The following SNPH variants were observed in gnomAD, a reference collection of about 807,000 sequenced individuals.
SNPH encodes the protein syntaphilin.
In SNPH, 10 loss-of-function variants were observed where a neutral mutation model predicts 36.8. That is an observed-to-expected ratio of 0.27 (90% CI 0.17 to 0.46). The LOEUF is 0.46. Among genes scored for constraint, SNPH ranks in the 20% least tolerant of loss-of-function variants. The probability of loss-of-function intolerance (pLI) is 1.00; values close to 1 mark genes in which losing one functional copy is unlikely to be tolerated. For synonymous variants in SNPH, 281 were observed against 312.2 expected (o/e 0.90, Z 1.05); for missense variants, 622 against 744.0 (o/e 0.84, Z 1.91).
chr20:1,272,532 G>A (rs1433392018), intron 2 of SNPH, among the ~76,000 whole-genome samples: 1 of 152,210 alleles, frequency 6.6e-6, no homozygotes, highest in African/African-American at 2.4e-5. Flanking sequence ...CTGCATATTT[G>A]TTTGTGACAT....
At position 1,279,615 on chromosome 20, in the gene SNPH, C is replaced by CTTTTTTTTTT. The variant is rs1259483361; in HGVS notation, c.-493+12857_-493+12858insTTTTTTTTTT. 6.5e-3 allele frequency among the ~76,000 whole-genome samples: 722 copies of CTTTTTTTTTT among 111,568 alleles called. 38 individuals are homozygous for CTTTTTTTTTT. The highest frequency in any genetic ancestry group is 0.021 in the African/African-American group (693 of 32,824). 73.2% of individuals were successfully genotyped at this position (111,568 alleles called of 152,430 possible). On this transcript the variant is annotated intron_variant, in intron 2 of 6. Coordinates refer to ENST00000381867, the MANE Select transcript of SNPH (RefSeq NM_001318234.2). Reference sequence around the variant, plus strand: ...AGACTGGTTTCCTGAGAGACTCCGGCTTCTTTTTTTTTTTTTTTTTTTGAG... The same window carrying CTTTTTTTTTT: ...AGACTGGTTTCCTGAGAGACTCCGGCTTTTTTTTTTTTCTTTTTTTTTTTTTTTTTTTGAG...
In SNPH at chr20:1,297,369, C is replaced by T. The variant is rs977225399; in HGVS notation, c.290+117C>T. On this transcript the variant is annotated intron_variant, in intron 5 of 6. Transcript: ENST00000381867. Reference sequence around the variant, plus strand: ...ACCACCCCTGACGCCAGCATAGCCGCTGGCCGTGTGACCTTGAGCAGATCA... The same window carrying T: ...ACCACCCCTGACGCCAGCATAGCCGTTGGCCGTGTGACCTTGAGCAGATCA... The T allele has an allele frequency of 3.5e-6, 3 of 866,334 alleles. No individual in the cohort carries two copies. In the African/African-American group the frequency reaches 5.1e-5, roughly 15 times the overall value. 53.7% of individuals were successfully genotyped at this position (866,334 alleles called of 1,614,324 possible).
At chr20:1,284,982 T>A (rs936516384) in intron 2 of SNPH, among the ~76,000 whole-genome samples, 2 of 152,194 alleles carry the variant, frequency 1.3e-5, no homozygotes, top group East Asian at 3.9e-4. Context: ...AGGAGAGAGA[T>A]GGTGGCTTGG....
intron 5 of SNPH, among the ~76,000 whole-genome samples, chr20:1,298,291 CT>C (rs1416637810): frequency 6.6e-6 from 1 of 152,206 alleles, no homozygotes; most frequent in Non-Finnish European, 1.5e-5. Flanking sequence ...GTTGTTAGAG[CT>C]TTGATCTGAC....
rs1484660017 is a variant in SNPH, at chr20:1,266,564, C to T, written c.-599-90C>T. 2 of 1,392,162 alleles carry T rather than the reference C, an allele frequency of 1.4e-6. No homozygotes were observed. The allele number at this position is 1,392,162 out of a possible 1,614,324, so 86.2% of individuals were successfully genotyped here. A position where few individuals can be genotyped will look rare whatever the true frequency, so the allele number is the denominator to read the frequency against. Reference sequence around the variant, plus strand: ...CTCCAAGCCTTCTGGCTGCAGCGGCCCAGCTGTCAGCGGCCGGGGGCTCAG... The same window carrying T: ...CTCCAAGCCTTCTGGCTGCAGCGGCTCAGCTGTCAGCGGCCGGGGGCTCAG... On this transcript the variant is annotated intron_variant, in intron 1 of 6. Transcript: ENST00000381867. The surrounding 1 kb of genome is among the most constrained non-coding windows in gnomAD (Gnocchi z 6.0).
intron 2 of SNPH, among the ~76,000 whole-genome samples, chr20:1,279,144 G>C (rs1027215272): frequency 6.6e-6 from 1 of 152,184 alleles, no homozygotes; most frequent in Admixed American, 6.5e-5. Flanking sequence ...CTGCCCAAGT[G>C]TTTCCAAAGC....
At position 1,306,217 on chromosome 20, in the gene SNPH, G is replaced by A. The variant is rs2088577807; in HGVS notation, c.*163G>A. On this transcript the variant is annotated 3_prime_UTR_variant, in exon 7 of 7. Transcript: ENST00000381867. ...AAACAGTCCCGTGGAAGGAGCAGGG[G>A]TTGGAGAAAGGCATCCCAAAGCTTC... The A allele has an allele frequency of 1.7e-6, 1 of 605,046 alleles. No homozygotes were observed. Among genetic ancestry groups the A allele is most frequent in the South Asian group, 4.5e-5 (1 of 22,296 alleles). 37.5% of individuals were successfully genotyped at this position (605,046 alleles called of 1,614,324 possible).
intron 2 of SNPH, among the ~76,000 whole-genome samples, chr20:1,293,571 A>G (rs1224963225): frequency 1.3e-5 from 2 of 152,102 alleles, no homozygotes; most frequent in East Asian, 3.9e-4. Context: ...AGAGCACAGG[A>G]TGCACACTGA....
At chr20:1,275,218 G>GAA (rs2088117681) in intron 2 of SNPH, among the ~76,000 whole-genome samples, 2 of 152,158 alleles carry the variant, frequency 1.3e-5, no homozygotes, top group African/African-American at 4.8e-5. Flanking sequence ...CAGACAAATT[G>GAA]TGTTACCCCC....
At position 1,279,295 on chromosome 20, in the gene SNPH, T is replaced by C. The variant is rs73604153; in HGVS notation, c.-493+12535T>C. On this transcript the variant is annotated intron_variant, in intron 2 of 6. Coordinates refer to ENST00000381867, the MANE Select transcript of SNPH (RefSeq NM_001318234.2). ...TAATGGTATCTCCTTATGGCTTTAA[T>C]TGGCATTTTCCTAATAACTAATGAT... Among the ~76,000 whole-genome samples the C allele has an allele frequency of 1.6e-4, 24 of 152,366 alleles. 1 individual carries two copies. In the East Asian group the frequency reaches 4.6e-3, roughly 29 times the overall value.
In SNPH at chr20:1,297,166, C is replaced by T. The variant is rs747359024; in HGVS notation, c.204C>T (p.Ser68=). The change falls in exon 5 of 7, where the codon AGC becomes AGT. Residue 68 remains serine (S), a synonymous_variant. Transcript: ENST00000381867. ...GSRRRTSPPV[S]VRDAYGTSSL... The stretch of plus-strand genomic sequence containing the variant: ...CCAGGCGCACCTCTCCACCTGTGAG[C>T]GTGCGGGATGCCTACGGCACCTCTT... The T allele has an allele frequency of 8.2e-5, 133 of 1,613,474 alleles. No individual in the cohort carries two copies. The highest frequency in any genetic ancestry group is 1.1e-4 in the Non-Finnish European group (132 of 1,179,846).
intron 6 of SNPH, among the ~76,000 whole-genome samples, chr20:1,303,476 A>G (rs922931824): frequency 6.6e-6 from 1 of 152,228 alleles, no homozygotes; most frequent in African/African-American, 2.4e-5. Context: ...GTGAGAGGCC[A>G]AAAGGGTTAC....
Position 1,290,013 on chromosome 20 carries a change from C to T in SNPH, c.-492-4938C>T, listed in dbSNP as rs2122353000. On this transcript the variant is annotated intron_variant, in intron 2 of 6. Transcript: ENST00000381867. ...ATTGCTTGAGGCCAGGGGTTCAAGA[C>T]CAACCTGGCCAATATGGAGAAACCC... Among the ~76,000 whole-genome samples, 3 of 152,068 alleles carry T rather than the reference C, an allele frequency of 2.0e-5. No homozygotes were observed. In the South Asian group the frequency reaches 6.2e-4, roughly 32 times the overall value.
chr20:1,308,648 CACCCTCCACAGTG>C lies in SNPH; in HGVS notation c.*2600_*2612del, dbSNP rs1375480987. 1 of 152,538 alleles carries C rather than the reference CACCCTCCACAGTG, an allele frequency of 6.6e-6. No homozygotes were observed. The highest frequency in any genetic ancestry group is 1.5e-5 in the Non-Finnish European group (1 of 68,286). The allele number at this position is 152,538 out of a possible 1,614,324, so 9.4% of individuals were successfully genotyped here. Reference sequence around the variant, plus strand: ...GGCGGGGCCTCCCCCTGAGAGAGCTCACCCTCCACAGTGACCCTTTTCCTTCCTGCCTAATACC... The same window carrying C: ...GGCGGGGCCTCCCCCTGAGAGAGCTCACCCTTTTCCTTCCTGCCTAATACC... On this transcript the variant is annotated 3_prime_UTR_variant, in exon 7 of 7. Coordinates refer to ENST00000381867, the MANE Select transcript of SNPH (RefSeq NM_001318234.2).
At chr20:1,275,443 C>T (rs1203591734) in intron 2 of SNPH, among the ~76,000 whole-genome samples, 1 of 152,162 alleles carries the variant, frequency 6.6e-6, no homozygotes, top group Non-Finnish European at 1.5e-5. Flanking sequence ...CACTACATGT[C>T]GGGCACAGGG....
In SNPH at chr20:1,266,944, C is replaced by T. The variant is rs937035360; in HGVS notation, c.-493+184C>T. Among the ~76,000 whole-genome samples the T allele has an allele frequency of 3.3e-5, 5 of 152,192 alleles. No homozygotes were observed. The highest frequency in any genetic ancestry group is 2.1e-4 in the South Asian group (1 of 4,832). The stretch of plus-strand genomic sequence containing the variant: ...CCCTTTAAGCGCTTCCCTCCCTCCC[C>T]CTCCCTGAAATGTAAGAATTAGAGG... On this transcript the variant is annotated intron_variant, in intron 2 of 6. Transcript: ENST00000381867. This position sits in a 1 kb window ranked among gnomAD's most constrained non-coding sequence, Gnocchi z 6.0.
At chr20:1,272,927 C>A (rs1568537575) in intron 2 of SNPH, among the ~76,000 whole-genome samples, 1 of 152,250 alleles carries the variant, frequency 6.6e-6, no homozygotes, top group Non-Finnish European at 1.5e-5. Flanking sequence ...GCCCTAGCCA[C>A]GCCTCCCTAC....
rs959384831 is a variant in SNPH at position 1,298,759 on chromosome 20, A to G, written c.290+1507A>G. ...TGCAAATAGCCAGGCTTTCCAAGGC[A>G]GGAACAGCTGAGAAACATGCGTCAC... On this transcript the variant is annotated intron_variant, in intron 5 of 6. Coordinates refer to ENST00000381867, the MANE Select transcript of SNPH (RefSeq NM_001318234.2). Among the ~76,000 whole-genome samples, 3 of 151,660 alleles carry G rather than the reference A, an allele frequency of 2.0e-5. 1 individual carries two copies. The South Asian group carries it at 6.3e-4, about 32-fold the overall frequency.
chr20:1,296,150 C>A lies in SNPH; in HGVS notation c.-90C>A. On this transcript the variant is annotated 5_prime_UTR_variant, in exon 4 of 7. Coordinates refer to ENST00000381867, the MANE Select transcript of SNPH (RefSeq NM_001318234.2). Reference sequence around the variant, plus strand: ...AAGTTGGGTGGTGGGAACCTGTGCACCAGCCCTATTCAATTCACTGGTGGA... The same window carrying A: ...AAGTTGGGTGGTGGGAACCTGTGCAACAGCCCTATTCAATTCACTGGTGGA... 8.7e-7 allele frequency: 1 copy of A among 1,152,870 alleles called. No homozygotes were observed. Among genetic ancestry groups the A allele is most frequent in the Non-Finnish European group, 1.2e-6 (1 of 844,450 alleles). The allele number at this position is 1,152,870 out of a possible 1,614,324, so 71.4% of individuals were successfully genotyped here.
Sources: allele counts gnomAD v4.1 joint callset (sites outside exome capture counted in the v4.1 genomes callset), GRCh38; gene constraint gnomAD v4.1.1; non-coding constraint Gnocchi (gnomAD v3.1); transcripts MANE v1.5; gene names NCBI Gene and HGNC (gene_info 2026-07-23, HGNC 2026-07-21).